The following ENTREP1 variants were observed in gnomAD, a reference collection of about 807,000 sequenced individuals.
ENTREP1 encodes endosomal transmembrane epsin interactor 1.
chr9:69,386,157 T>G, the ENTREP1 span: 5 of 400,792 alleles, frequency 1.2e-5, no homozygotes, highest in Non-Finnish European at 2.1e-5. Context: ...GGTTTTTTTG[T>G]TTTTTTTTAA....
At chr9:69,390,021 CA>C in the ENTREP1 span, among the ~76,000 whole-genome samples, 1 of 152,162 alleles carries the variant, frequency 6.6e-6, no homozygotes, top group South Asian at 2.1e-4. Context: ...AGAAGGAGAC[CA>C]GTTATTTCTG....
the ENTREP1 span, among the ~76,000 whole-genome samples, chr9:69,331,104 T>G: frequency 1.3e-5 from 2 of 152,152 alleles, no homozygotes; most frequent in Non-Finnish European, 2.9e-5. Flanking sequence ...TACACACACA[T>G]TTTTTAAAAA....
the ENTREP1 span, among the ~76,000 whole-genome samples, chr9:69,378,475 G>T: frequency 3.3e-5 from 5 of 151,992 alleles, no homozygotes; most frequent in East Asian, 9.7e-4. Flanking sequence ...TTTAAAGAAT[G>T]ACTTCATTTA....
the ENTREP1 span, among the ~76,000 whole-genome samples, chr9:69,367,802 T>A: frequency 3.4e-5 from 3 of 88,436 alleles, no homozygotes; most frequent in African/African-American, 8.6e-5. Flanking sequence ...TATATATAAA[T>A]ATATATACAC....
chr9:69,389,403 C>T, the ENTREP1 span, among the ~76,000 whole-genome samples: 3 of 152,218 alleles, frequency 2.0e-5, no homozygotes, highest in Non-Finnish European at 4.4e-5. Flanking sequence ...CTGCTGGCCT[C>T]TTCTTACAGA....
the ENTREP1 span, among the ~76,000 whole-genome samples, chr9:69,340,756 TGC>T: frequency 4.0e-5 from 4 of 99,330 alleles, no homozygotes; most frequent in African/African-American, 1.5e-4. Flanking sequence ...TTTGTGTGTG[TGC>T]GTGCATGTGT....
the ENTREP1 span, chr9:69,386,088 TA>T: frequency 1.7e-6 from 1 of 602,700 alleles, no homozygotes; most frequent in Non-Finnish European, 2.5e-6. Context: ...CTTGGGAAAG[TA>T]AAATATTCTA....
the ENTREP1 span, among the ~76,000 whole-genome samples, chr9:69,351,988 A>G: frequency 5.9e-5 from 9 of 152,138 alleles, no homozygotes; most frequent in Non-Finnish European, 1.2e-4. Flanking sequence ...TTATTATGCC[A>G]TATTTTCTAT....
the ENTREP1 span, among the ~76,000 whole-genome samples, chr9:69,375,573 T>C: frequency 1.3e-5 from 2 of 152,230 alleles, no homozygotes; most frequent in Admixed American, 1.3e-4. Flanking sequence ...ATTTAGGTTT[T>C]GGTTGTTACC....
At chr9:69,325,729 T>G in the ENTREP1 span, 1 of 1,226,932 alleles carries the variant, frequency 8.2e-7, no homozygotes, top group Non-Finnish European at 1.0e-6. Context: ...CCTCGGTGAG[T>G]ACCGCGCGCG....
chr9:69,367,682 T>TATATATATACACATATATATAA, the ENTREP1 span, among the ~76,000 whole-genome samples: 5 of 66,742 alleles, frequency 7.5e-5, no homozygotes, highest in East Asian at 2.0e-3. Flanking sequence ...CATATATAAA[T>TATATATATACACATATATATAA]ATATATATAC....
At chr9:69,331,184 T>G in the ENTREP1 span, among the ~76,000 whole-genome samples, 4 of 152,238 alleles carry the variant, frequency 2.6e-5, no homozygotes, top group African/African-American at 9.6e-5. Context: ...TCTGCTTATT[T>G]ACAAAGTAAC....
the ENTREP1 span, among the ~76,000 whole-genome samples, chr9:69,367,344 T>TC: frequency 2.0e-3 from 301 of 151,856 alleles, no homozygotes; most frequent in South Asian, 3.1e-3. Flanking sequence ...TTTGGGCATT[T>TC]TTTTGGTTTC....
At chr9:69,349,120 G>T in the ENTREP1 span, among the ~76,000 whole-genome samples, 1 of 150,240 alleles carries the variant, frequency 6.7e-6, no homozygotes, top group African/African-American at 2.5e-5. Flanking sequence ...GGAGGTGGAG[G>T]TTGCAGTGAG....
At chr9:69,388,839 G>A in the ENTREP1 span, among the ~76,000 whole-genome samples, 1 of 152,158 alleles carries the variant, frequency 6.6e-6, no homozygotes, top group African/African-American at 2.4e-5. Context: ...GATGACATAG[G>A]TGAATTTTAA....
the ENTREP1 span, among the ~76,000 whole-genome samples, chr9:69,347,912 T>A: frequency 6.6e-6 from 1 of 152,202 alleles, no homozygotes; most frequent in Non-Finnish European, 1.5e-5. Context: ...GAAGACTGTT[T>A]CCTTTGCCAA....
At chr9:69,378,956 G>A in the ENTREP1 span, among the ~76,000 whole-genome samples, 7 of 152,058 alleles carry the variant, frequency 4.6e-5, no homozygotes, top group Admixed American at 4.6e-4. Flanking sequence ...CACAGAGAAG[G>A]TACACCTAAC....
chr9:69,345,804 A>G, the ENTREP1 span, among the ~76,000 whole-genome samples: 1 of 152,070 alleles, frequency 6.6e-6, no homozygotes, highest in Non-Finnish European at 1.5e-5. Context: ...GGGTTTCACC[A>G]TCTTGGCCAG....
chr9:69,367,840 T>C, the ENTREP1 span, among the ~76,000 whole-genome samples: 13,672 of 81,600 alleles, frequency 0.17, 3,112 homozygotes, highest in Non-Finnish European at 0.24. Context: ...TATATACACA[T>C]ATATATATAA....
Sources: gnomAD v4.1 joint callset for allele counts (sites outside exome capture counted in the v4.1 genomes callset) on GRCh38, gnomAD v4.1.1 for gene constraint, MANE v1.5 for transcripts, NCBI Gene and HGNC (gene_info 2026-07-23, HGNC 2026-07-21) for gene names.